RIN3: variants seen among roughly 807,000 people sequenced by gnomAD.
RIN3 encodes RAB5 interacting protein 3.
RIN3 carries 54 observed loss-of-function variants against 76.3 expected under a neutral mutation model. The observed-to-expected ratio is 0.71, with a 90% CI of 0.57 to 0.89. The LOEUF (loss-of-function observed/expected upper bound fraction) is 0.89. Ranked by LOEUF, RIN3 falls within the 40% of genes least tolerant of loss-of-function variation. The pLI is 0.00. For synonymous variants in RIN3, 576 were observed against 564.0 expected, an observed-to-expected ratio of 1.02 and a Z score of -0.30; for missense variants, 1,256 against 1,322.1, an observed-to-expected ratio of 0.95 and a Z score of 0.78.
At chr14:92,672,494 A>G (rs934141997) in intron 7 of RIN3, among the ~76,000 whole-genome samples, 1 of 152,238 alleles carries the variant, frequency 6.6e-6, no homozygotes, top group African/African-American at 2.4e-5. Flanking sequence ...ACACCAGGCT[A>G]GAACAGACTG....
intron 7 of RIN3, among the ~76,000 whole-genome samples, chr14:92,665,489 T>C (rs1305077253): frequency 1.3e-5 from 2 of 150,318 alleles, no homozygotes; most frequent in Admixed American, 6.7e-5. Flanking sequence ...CGTTATTCTC[T>C]TGCCTCAGCC....
At chr14:92,657,273 T>G (rs1422850086) in intron 6 of RIN3, among the ~76,000 whole-genome samples, 2 of 151,818 alleles carry the variant, frequency 1.3e-5, no homozygotes, top group Non-Finnish European at 2.9e-5. Flanking sequence ...GGCAGGAGAA[T>G]TGCTTGAAAC....
At chr14:92,572,325 C>T (rs1898082154) in intron 2 of RIN3, among the ~76,000 whole-genome samples, 1 of 152,230 alleles carries the variant, frequency 6.6e-6, no homozygotes, top group South Asian at 2.1e-4. Flanking sequence ...TCCGGTGTTT[C>T]TAGAAGAAGG....
At chr14:92,679,121 G>C (rs1888578271) in intron 8 of RIN3, among the ~76,000 whole-genome samples, 1 of 152,230 alleles carries the variant, frequency 6.6e-6, no homozygotes, top group Non-Finnish European at 1.5e-5. Context: ...AGTATTTGGA[G>C]GACAAGCCAA....
intron 4 of RIN3, among the ~76,000 whole-genome samples, chr14:92,631,767 AT>A (rs1004664986): frequency 6.6e-6 from 1 of 151,832 alleles, no homozygotes; most frequent in East Asian, 1.9e-4. Context: ...CCCCCAGCTA[AT>A]TTTTTTTGTA....
At chr14:92,653,110 G>C (rs754245102) in intron 6 of RIN3, 35 bp downstream of exon 6, 10 of 1,565,824 alleles carry the variant, frequency 6.4e-6, no homozygotes, top group Middle Eastern at 1.8e-4. Context: ...AGGGAGGAGA[G>C]GGCGGTGGGG....
intron 4 of RIN3, among the ~76,000 whole-genome samples, chr14:92,619,567 G>A (rs1485874303): frequency 1.3e-5 from 2 of 150,704 alleles, no homozygotes; most frequent in Non-Finnish European, 2.9e-5. Context: ...AGCCTCCCGA[G>A]CAGCTGGGAC....
At position 92,676,558 on chromosome 14, in the gene RIN3, GTGGAGTACA is replaced by G. The variant is rs777471038; in HGVS notation, c.2422_2430del (p.Glu808_Met810del). 13 of 1,614,012 alleles carry G rather than the reference GTGGAGTACA, an allele frequency of 8.1e-6. No individual in the cohort carries two copies. Among genetic ancestry groups the G allele is most frequent in the Non-Finnish European group, 1.1e-5 (13 of 1,180,032 alleles). ...CAACCTCACGGAGATGCTTCTCAAT[GTGGAGTACA>G]TGATGGAGCTCATGGACCCCGCCCT... On this transcript the variant is annotated inframe_deletion, in exon 8 of 10. Transcript: ENST00000216487.
chr14:92,655,387 A>G (rs1887632116), intron 6 of RIN3, among the ~76,000 whole-genome samples: 1 of 152,138 alleles, frequency 6.6e-6, no homozygotes, highest in African/African-American at 2.4e-5. Flanking sequence ...ACAAAGGGAG[A>G]GAGAGAGAGA....
rs759802212 is a variant in RIN3, at chr14:92,688,058, C to T, written c.2764C>T (p.Arg922Trp). Reference protein sequence around the residue: ...KFAVERPQAHRLFVLVDGRCF... With the variant: ...KFAVERPQAHWLFVLVDGRCF... ...CGCGGTGGAGCGGCCGCAGGCGCAC[C>T]GGCTGTTCGTGCTGGTGGACGGGCG... is the stretch of plus-strand genomic sequence containing the variant. The change falls in exon 10 of 10, where the codon CGG becomes TGG. Residue 922 changes from arginine to tryptophan, a missense_variant. Transcript: ENST00000216487. The T allele has an allele frequency of 3.7e-6, 6 of 1,602,488 alleles. No homozygotes were observed. The South Asian group carries it at 4.5e-5, about 12-fold the overall frequency.
chr14:92,602,889 A>G (rs571523102), intron 3 of RIN3, among the ~76,000 whole-genome samples: 6 of 152,112 alleles, frequency 3.9e-5, no homozygotes, highest in Non-Finnish European at 8.8e-5. Context: ...GTGCAGAGCT[A>G]TCCCTTAGAA....
chr14:92,555,617 T>A, intron 1 of RIN3, 134 bp from the exon 2 acceptor site: 1 of 825,950 alleles, frequency 1.2e-6, no homozygotes, highest in Admixed American at 2.4e-5. Flanking sequence ...TTTGTTGATT[T>A]TTTTTTAATT....
chr14:92,568,874 C>T lies in RIN3; in HGVS notation c.250-8486C>T, dbSNP rs1197679458. Among the ~76,000 whole-genome samples the T allele has an allele frequency of 6.6e-6, 1 of 152,240 alleles. No homozygotes were observed. The highest frequency in any genetic ancestry group is 1.5e-5 in the Non-Finnish European group (1 of 68,052). ...GAGTCCAACCTTGGGGACTTTCCAG[C>T]CCTGTCGACAAGCTGTGTAGATAAC... On this transcript the variant is annotated intron_variant, in intron 2 of 9. Coordinates refer to ENST00000216487, the MANE Select transcript of RIN3 (RefSeq NM_024832.5). The surrounding 1 kb of genome is among the most constrained non-coding windows in gnomAD (Gnocchi z 4.2).
intron 2 of RIN3, among the ~76,000 whole-genome samples, chr14:92,562,231 T>C (rs561160224): frequency 6.6e-6 from 1 of 152,324 alleles, no homozygotes; most frequent in South Asian, 2.1e-4. Flanking sequence ...AATAATCTAA[T>C]CACATCATAT....
Position 92,651,990 on chromosome 14 carries a change from C to CT in RIN3, c.942dup (p.Pro315SerfsTer109). On this transcript the variant is annotated frameshift_variant, in exon 6 of 10. Coordinates refer to ENST00000216487, the MANE Select transcript of RIN3 (RefSeq NM_024832.5). LOFTEE classifies it high-confidence loss of function. ...GCCCCTGCCTGTCCTTTGCCCACCT[C>CT]TCCCCCAGTGCCTGCCCCCCACGTC... 6.6e-7 allele frequency: 1 copy of CT among 1,516,856 alleles called. No homozygotes were observed. Among genetic ancestry groups the CT allele is most frequent in the Non-Finnish European group, 9.0e-7 (1 of 1,111,334 alleles). 94.0% of individuals were successfully genotyped at this position (1,516,856 alleles called of 1,614,324 possible).
At chr14:92,610,465 G>T (rs776155668) in intron 3 of RIN3, among the ~76,000 whole-genome samples, 1 of 152,172 alleles carries the variant, frequency 6.6e-6, no homozygotes, top group Non-Finnish European at 1.5e-5. Flanking sequence ...GGCAGGCATG[G>T]TGTTGGGCTC....
At chr14:92,633,856 GGTGTGT>G (rs33912278) in intron 4 of RIN3, among the ~76,000 whole-genome samples, 14 of 146,834 alleles carry the variant, frequency 9.5e-5, no homozygotes, top group South Asian at 2.1e-4. Flanking sequence ...TTGTTTTAGT[GGTGTGT>G]GTGTGTGTGT....
At chr14:92,545,669 C>A (rs1332443637) in intron 1 of RIN3, among the ~76,000 whole-genome samples, 1 of 147,082 alleles carries the variant, frequency 6.8e-6, no homozygotes, top group Non-Finnish European at 1.5e-5. Flanking sequence ...CAGCCTCAAT[C>A]TCCCCGGGCT....
chr14:92,668,489 G>C (rs987712713), intron 7 of RIN3, among the ~76,000 whole-genome samples: 1 of 152,190 alleles, frequency 6.6e-6, no homozygotes, highest in Non-Finnish European at 1.5e-5. Flanking sequence ...TTTCCTCAGG[G>C]ACACAGTGTA....
Sources: gnomAD v4.1 joint callset for allele counts (sites outside exome capture counted in the v4.1 genomes callset) on GRCh38, gnomAD v4.1.1 for gene constraint, Gnocchi (gnomAD v3.1) non-coding constraint, MANE v1.5 for transcripts, NCBI Gene and HGNC (gene_info 2026-07-23, HGNC 2026-07-21) for gene names.